The following XRRA1 variants were observed in gnomAD, a reference collection of about 807,000 sequenced individuals.
XRRA1 encodes X-ray radiation resistance associated 1, also known as X-ray radiation resistance-associated protein 1.
In XRRA1, 69 loss-of-function variants were observed where a neutral mutation model predicts 80.2. The observed-to-expected ratio is 0.86, with a 90% CI of 0.71 to 1.05. The LOEUF (loss-of-function observed/expected upper bound fraction) is 1.05. Ranked by LOEUF, XRRA1 falls within the 50% of genes least tolerant of loss-of-function variation. The pLI, the probability that XRRA1 is intolerant of heterozygous loss-of-function variation, is 0.00. For synonymous variants in XRRA1, 348 were observed against 389.9 expected, an observed-to-expected ratio of 0.89 and a Z score of 1.27; for missense variants, 967 against 976.4, an observed-to-expected ratio of 0.99 and a Z score of 0.13.
intron 14 of XRRA1, 82 bp downstream of exon 14, chr11:74,851,006 G>C: frequency 9.7e-7 from 1 of 1,028,188 alleles, no homozygotes; most frequent in South Asian, 1.7e-5. Flanking sequence ...GGAGTGAGCA[G>C]CTCTACAGCC....
At chr11:74,910,217 C>CT (rs2055557326) in intron 8 of XRRA1, among the ~76,000 whole-genome samples, 1 of 152,158 alleles carries the variant, frequency 6.6e-6, no homozygotes, top group African/African-American at 2.4e-5. Flanking sequence ...GGAGACATGG[C>CT]TTAACAAACT....
At chr11:74,875,540 A>T (rs935334493) in intron 10 of XRRA1, among the ~76,000 whole-genome samples, 1 of 152,196 alleles carries the variant, frequency 6.6e-6, no homozygotes, top group Non-Finnish European at 1.5e-5. Flanking sequence ...AGAGAACTTA[A>T]TAACAGTCAA....
At position 74,921,318 on chromosome 11, in the gene XRRA1, A is replaced by C; in HGVS notation, c.552T>G (p.Thr184=). 1.2e-6 allele frequency: 2 copies of C among 1,614,004 alleles called. No individual in the cohort carries two copies. Among genetic ancestry groups the C allele is most frequent in the Non-Finnish European group, 8.5e-7 (1 of 1,179,882 alleles). Residue 184 remains threonine, a synonymous_variant, in exon 8 of 19, where the codon ACT becomes ACG. Coordinates refer to ENST00000684022, the MANE Select transcript of XRRA1 (RefSeq NM_001378157.1). ...TCCCCAAATCACAGATGGCCTCCAC[A>C]GTCAGGCTGTTGAAGGAAAGGTCCA... ...EFLDLSFNSL[T]VEAICDLGIL...
chr11:74,895,539 G>A (rs1408746155), intron 10 of XRRA1, among the ~76,000 whole-genome samples: 2 of 152,178 alleles, frequency 1.3e-5, no homozygotes, highest in African/African-American at 4.8e-5. Context: ...TGTTAGGCTG[G>A]GCTTAGAGTC....
At chr11:74,926,430 C>T (rs115409317) in intron 7 of XRRA1, among the ~76,000 whole-genome samples, 3,731 of 152,202 alleles carry the variant, frequency 0.025, 162 homozygotes, top group African/African-American at 0.085. Context: ...TTGGGGTTGA[C>T]CTCAAGGTTC....
At chr11:74,894,001 A>G (rs1432832956) in intron 10 of XRRA1, among the ~76,000 whole-genome samples, 1 of 152,196 alleles carries the variant, frequency 6.6e-6, no homozygotes, top group African/African-American at 2.4e-5. Context: ...CAACCTAAAT[A>G]CCAATCAATG....
At position 74,859,141 on chromosome 11, in the gene XRRA1, G is replaced by A. The variant is rs1335608107; in HGVS notation, c.1170+17C>T. The stretch of plus-strand genomic sequence containing the variant: ...CATCTGTGCCCCTGAGTAAACAGGA[G>A]AGGAGCAGAAAGTCACCTTGTTGTA... On this transcript the variant is annotated intron_variant, in intron 12 of 18. Transcript: ENST00000684022. 3 of 1,585,396 alleles carry A rather than the reference G, an allele frequency of 1.9e-6. No homozygotes were observed. In the African/African-American group the frequency reaches 4.1e-5, roughly 22 times the overall value.
chr11:74,932,131 C>G (rs1229228969), intron 5 of XRRA1, among the ~76,000 whole-genome samples: 2 of 152,154 alleles, frequency 1.3e-5, no homozygotes, highest in Non-Finnish European at 2.9e-5. Flanking sequence ...GATCCCAATA[C>G]TTTTTGGTTA....
intron 10 of XRRA1, among the ~76,000 whole-genome samples, chr11:74,871,595 C>A (rs1360160087): frequency 6.6e-6 from 1 of 152,164 alleles, no homozygotes; most frequent in Non-Finnish European, 1.5e-5. Flanking sequence ...CAACTTCAGG[C>A]AGCTATTGAG....
chr11:74,933,320 C>A (rs542957135), intron 5 of XRRA1: 1 of 152,296 alleles, frequency 6.6e-6, no homozygotes, highest in Admixed American at 6.5e-5. Flanking sequence ...TGCACTGGCA[C>A]GATCTTGGCT....
intron 10 of XRRA1, among the ~76,000 whole-genome samples, chr11:74,871,011 C>A (rs2044652256): frequency 6.6e-6 from 1 of 152,182 alleles, no homozygotes; most frequent in African/African-American, 2.4e-5. Context: ...ATATTTTAGT[C>A]CAGGCCATAA....
intron 10 of XRRA1, among the ~76,000 whole-genome samples, chr11:74,869,481 G>A (rs1407445637): frequency 1.3e-5 from 2 of 152,202 alleles, no homozygotes; most frequent in Non-Finnish European, 2.9e-5. Context: ...AAGTTTGCAT[G>A]GGGGAATGCC....
chr11:74,945,507 G>A (rs913896081), intron 1 of XRRA1, among the ~76,000 whole-genome samples: 1 of 152,238 alleles, frequency 6.6e-6, no homozygotes, highest in African/African-American at 2.4e-5. Flanking sequence ...GAAGCCTGTA[G>A]GAGGCATGCA....
intron 8 of XRRA1, chr11:74,910,600 A>G (rs1043529470): frequency 6.6e-6 from 1 of 152,350 alleles, no homozygotes; most frequent in Non-Finnish European, 1.5e-5. Flanking sequence ...AGAAGCAGGC[A>G]GAGTCAGGCC....
intron 12 of XRRA1, among the ~76,000 whole-genome samples, chr11:74,857,233 G>T (rs868563896): frequency 3.9e-5 from 6 of 152,050 alleles, no homozygotes; most frequent in African/African-American, 1.5e-4. Context: ...GGAAAAACCA[G>T]CTATATGCTG....
chr11:74,841,979 G>T lies in XRRA1; in HGVS notation c.*1221C>A, dbSNP rs2036619756. The T allele has an allele frequency of 6.6e-6, 1 of 151,172 alleles. No homozygotes were observed. Among genetic ancestry groups the T allele is most frequent in the South Asian group, 2.1e-4 (1 of 4,804 alleles). The allele number at this position is 151,172 out of a possible 1,614,324, so 9.4% of individuals were successfully genotyped here. ...GTGAGAGAATAGATACTATGCAAGG[G>T]AAAAAAATTTAAATGCCAACGAATA... On this transcript the variant is annotated 3_prime_UTR_variant, in exon 19 of 19. Coordinates refer to ENST00000684022, the MANE Select transcript of XRRA1 (RefSeq NM_001378157.1).
At chr11:74,888,047 C>G (rs530442053) in intron 10 of XRRA1, among the ~76,000 whole-genome samples, 2 of 152,298 alleles carry the variant, frequency 1.3e-5, no homozygotes, top group African/African-American at 4.8e-5. Flanking sequence ...ACTTAAATGT[C>G]CGTGTCTGAC....
intron 11 of XRRA1, 138 bp from the exon 12 acceptor site, chr11:74,859,421 C>A: frequency 1.0e-6 from 1 of 959,298 alleles, no homozygotes; most frequent in Non-Finnish European, 1.5e-6. Flanking sequence ...CATGTAGGGT[C>A]ATAAGGGTAG....
intron 8 of XRRA1, chr11:74,919,505 T>C: frequency 3.5e-6 from 1 of 287,338 alleles, no homozygotes; most frequent in South Asian, 4.0e-5. Flanking sequence ...TGTAATACCT[T>C]GAGTGGGTTT....
Sources: allele counts gnomAD v4.1 joint callset (sites outside exome capture counted in the v4.1 genomes callset), GRCh38; gene constraint gnomAD v4.1.1; transcripts MANE v1.5; gene names NCBI Gene and HGNC (gene_info 2026-07-23, HGNC 2026-07-21).